NDNF: variants seen among roughly 807,000 people sequenced by gnomAD.
NDNF encodes protein NDNF.
A neutral mutation model predicts 42.0 loss-of-function variants in NDNF; 16 were observed. The observed-to-expected ratio is 0.38, with a 90% confidence interval of 0.26 to 0.58. The LOEUF is 0.58. NDNF is among the 20% of genes least tolerant of loss of function. The probability of loss-of-function intolerance (pLI) is 0.67; values close to 1 mark genes in which losing one functional copy is unlikely to be tolerated. For missense variants in NDNF, 616 were observed against 666.2 expected (o/e 0.92, Z 0.83); for synonymous variants, 248 against 251.7 (o/e 0.99, Z 0.14).
Position 121,036,789 on chromosome 4 carries a change from T to C in NDNF, c.1182A>G (p.Lys394=), listed in dbSNP as rs775859713. The change falls in exon 4 of 4, where the codon AAA becomes AAG. Residue 394 remains lysine, a synonymous_variant. Transcript: ENST00000379692. ...AVQIQVRRDG[K]LLLSQNVEGI... The stretch of plus-strand genomic sequence containing the variant: ...CTTCCACATTCTGAGACAGAAGAAG[T>C]TTCCCATCTCTTCTCACTTGGATTT... 1.2e-6 allele frequency: 2 copies of C among 1,614,016 alleles called. No individual in the cohort carries two copies. Among genetic ancestry groups the C allele is most frequent in the Non-Finnish European group, 1.7e-6 (2 of 1,180,036 alleles).
chr4:121,057,263 A>G (rs558907108), intron 1 of NDNF, among the ~76,000 whole-genome samples: 1 of 152,306 alleles, frequency 6.6e-6, no homozygotes, highest in East Asian at 1.9e-4. Context: ...CTGAAGAAGG[A>G]ACATTTCAGC....
At chr4:121,067,090 T>C (rs1186951143) in intron 1 of NDNF, among the ~76,000 whole-genome samples, 1 of 152,238 alleles carries the variant, frequency 6.6e-6, no homozygotes, top group Non-Finnish European at 1.5e-5. Context: ...GTGGAGGCAG[T>C]GTCTAAGAGT....
chr4:121,062,810 G>A (rs1019521376), intron 1 of NDNF, among the ~76,000 whole-genome samples: 4 of 152,096 alleles, frequency 2.6e-5, no homozygotes, highest in African/African-American at 9.7e-5. Context: ...ACACAAGATA[G>A]AGCCTGCCAA....
rs1726942092 is a variant in NDNF at position 121,039,180 on chromosome 4, GTGTGTGTGTGTGTATATATATA to G, written c.313+728_313+749del. ...ATGTATATATATATATAAAGACTAT[GTGTGTGTGTGTGTATATATATA>G]TATATATATATATATATATATATAT... is the stretch of plus-strand genomic sequence containing the variant. On this transcript the variant is annotated intron_variant, in intron 3 of 3. Coordinates refer to ENST00000379692, the MANE Select transcript of NDNF (RefSeq NM_024574.4). Among the ~76,000 whole-genome samples the G allele has an allele frequency of 3.4e-3, 26 of 7,760 alleles. 2 individuals are homozygous for G. The highest frequency in any genetic ancestry group is 5.6e-3 in the African/African-American group (24 of 4,296). 5.1% of individuals were successfully genotyped at this position (7,760 alleles called of 152,430 possible).
At chr4:121,057,027 G>C (rs1392158790) in intron 1 of NDNF, among the ~76,000 whole-genome samples, 1 of 152,318 alleles carries the variant, frequency 6.6e-6, no homozygotes, top group East Asian at 1.9e-4. Context: ...GACGTGCTGC[G>C]AATGAGGCAG....
intron 1 of NDNF, among the ~76,000 whole-genome samples, chr4:121,057,738 A>G (rs1727322376): frequency 6.6e-6 from 1 of 152,248 alleles, no homozygotes. Context: ...GTGTTCCTAC[A>G]GAGGGAGGAT....
intron 1 of NDNF, among the ~76,000 whole-genome samples, chr4:121,069,406 T>C (rs1560611858): frequency 6.6e-6 from 1 of 152,256 alleles, no homozygotes; most frequent in Non-Finnish European, 1.5e-5. Context: ...AAGCTGTATC[T>C]GCAAGTGATT....
intron 2 of NDNF, among the ~76,000 whole-genome samples, chr4:121,042,445 C>A (rs193223177): frequency 1.1e-3 from 166 of 152,156 alleles, no homozygotes; most frequent in African/African-American, 3.9e-3. Context: ...AAAGTGAAGA[C>A]CCTATAAATG....
At chr4:121,043,979 T>G (rs1013897804) in intron 2 of NDNF, among the ~76,000 whole-genome samples, 1 of 152,256 alleles carries the variant, frequency 6.6e-6, no homozygotes, top group African/African-American at 2.4e-5. Context: ...AGCAAGTTCC[T>G]TCAATGTAAT....
chr4:121,066,079 C>T (rs1727494808), intron 1 of NDNF, among the ~76,000 whole-genome samples: 1 of 152,134 alleles, frequency 6.6e-6, no homozygotes, highest in Admixed American at 6.5e-5. Flanking sequence ...GGCCATCTCT[C>T]ATGTAACCCA....
At chr4:121,057,951 A>G (rs963132649) in intron 1 of NDNF, among the ~76,000 whole-genome samples, 15 of 152,144 alleles carry the variant, frequency 9.9e-5, no homozygotes, top group Non-Finnish European at 2.1e-4. Flanking sequence ...AATAAGGTGG[A>G]ATTACAGTCC....
At chr4:121,039,188 GTGTGTATATATATATATATATATA>G (rs1186940742) in intron 3 of NDNF, among the ~76,000 whole-genome samples, 4 of 66,638 alleles carry the variant, frequency 6.0e-5, no homozygotes, top group African/African-American at 3.1e-4. Flanking sequence ...ATGTGTGTGT[GTGTGTATATATATATATATATATA>G]TATATATATA....
intron 1 of NDNF, among the ~76,000 whole-genome samples, chr4:121,053,703 T>C (rs542772919): frequency 2.0e-5 from 3 of 152,246 alleles, no homozygotes; most frequent in Non-Finnish European, 4.4e-5. Flanking sequence ...GTCCTCTATA[T>C]GTGAAACTGA....
chr4:121,047,030 A>G (rs190202096), intron 1 of NDNF, among the ~76,000 whole-genome samples: 3 of 152,346 alleles, frequency 2.0e-5, no homozygotes. Context: ...GGTACTTTAA[A>G]TAGCAAATAT....
At chr4:121,038,917 G>A (rs1339027143) in intron 3 of NDNF, 1 of 149,486 alleles carries the variant, frequency 6.7e-6, no homozygotes, top group African/African-American at 2.5e-5. Context: ...AGCCCAGGAG[G>A]TGGAGGTTGC....
intron 1 of NDNF, among the ~76,000 whole-genome samples, chr4:121,066,351 G>GT (rs1200313508): frequency 6.6e-6 from 1 of 152,068 alleles, no homozygotes; most frequent in Non-Finnish European, 1.5e-5. Flanking sequence ...TTCAATTACA[G>GT]GATCCAGCAG....
intron 2 of NDNF, among the ~76,000 whole-genome samples, chr4:121,042,801 A>G (rs1460538460): frequency 6.6e-6 from 1 of 152,236 alleles, no homozygotes; most frequent in African/African-American, 2.4e-5. Flanking sequence ...ACGGCACAGA[A>G]GAAAACAATG....
At chr4:121,039,151 ATATATG>A (rs1726935645) in intron 3 of NDNF, among the ~76,000 whole-genome samples, 3 of 41,260 alleles carry the variant, frequency 7.3e-5, no homozygotes, top group African/African-American at 8.5e-5. Context: ...ATGTGTATAT[ATATATG>A]TATATATATA....
At chr4:121,071,862 G>C (rs1280937255) in intron 1 of NDNF, 131 bp downstream of exon 1, 3 of 151,872 alleles carry the variant, frequency 2.0e-5, no homozygotes, top group African/African-American at 7.3e-5. Flanking sequence ...GGGCCTTGAA[G>C]ATTTGGGGGC....
Sources: allele counts gnomAD v4.1 joint callset (sites outside exome capture counted in the v4.1 genomes callset), GRCh38; gene constraint gnomAD v4.1.1; transcripts MANE v1.5; gene names NCBI Gene and HGNC (gene_info 2026-07-23, HGNC 2026-07-21).